The following DOP1B variants were observed in gnomAD, a reference collection of about 807,000 sequenced individuals.
The protein encoded by DOP1B is DOP1 leucine zipper like protein B.
A neutral mutation model predicts 233.5 loss-of-function variants in DOP1B; 174 were observed. The observed-to-expected ratio is 0.75, with a 90% CI of 0.66 to 0.85. The LOEUF is 0.85. Among genes scored for constraint, DOP1B ranks in the 40% least tolerant of loss-of-function variants. The probability of loss-of-function intolerance (pLI) is 0.00; values close to 1 mark genes in which losing one functional copy is unlikely to be tolerated. For synonymous variants in DOP1B, 1,190 were observed against 1,185.6 expected (o/e 1.00, Z -0.08); for missense variants, 2,652 against 2,846.6 (o/e 0.93, Z 1.56).
chr21:36,251,197 C>G lies in DOP1B; in HGVS notation c.5034C>G (p.Pro1678=). 6.2e-7 allele frequency: 1 copy of G among 1,613,990 alleles called. No individual in the cohort carries two copies. The highest frequency in any genetic ancestry group is 8.5e-7 in the Non-Finnish European group (1 of 1,179,990). The stretch of plus-strand genomic sequence containing the variant: ...AAAAAATTTTAGACTTCTTAAACCC[C>G]TTGACGGCCCATCTTGGGGTTCAGT... ...IRQKILDFLN[P]LTAHLGVQLT... is the part of the protein sequence containing the mutation. Residue 1678 remains proline, a synonymous_variant, in exon 22 of 37, where the codon CCC becomes CCG. Coordinates refer to ENST00000691173, the MANE Select transcript of DOP1B (RefSeq NM_001320714.2).
chr21:36,191,474 G>A (rs763470260), intron 2 of DOP1B, among the ~76,000 whole-genome samples: 15 of 152,228 alleles, frequency 9.9e-5, no homozygotes, highest in Middle Eastern at 3.4e-3. Context: ...AGGGGCTGGC[G>A]TGCAAGTGTC....
At chr21:36,254,523 A>T (rs191077037) in intron 23 of DOP1B, among the ~76,000 whole-genome samples, 23 of 152,240 alleles carry the variant, frequency 1.5e-4, no homozygotes, top group African/African-American at 5.1e-4. Flanking sequence ...ACTGGGGCTT[A>T]TCCAAATGAG....
At position 36,200,711 on chromosome 21, in the gene DOP1B, C is replaced by T. The variant is rs555036917; in HGVS notation, c.491+210C>T. Among the ~76,000 whole-genome samples, 46 of 152,072 alleles carry T rather than the reference C, an allele frequency of 3.0e-4. No homozygotes were observed. The South Asian group carries it at 6.0e-3, about 20-fold the overall frequency. ...AAAAAAATTTAGCCGGGCATGGTGG[C>T]GGGCGTCTGTAGTCCCAGCTACTCG... On this transcript the variant is annotated intron_variant, in intron 4 of 36. Coordinates refer to ENST00000691173, the MANE Select transcript of DOP1B (RefSeq NM_001320714.2).
chr21:36,233,548 C>T (rs1432299126), intron 15 of DOP1B, among the ~76,000 whole-genome samples: 1 of 152,180 alleles, frequency 6.6e-6, no homozygotes, highest in East Asian at 1.9e-4. Context: ...TGGAGCTAAG[C>T]TGGGGAAGGA....
rs1247640110 is a variant in DOP1B at position 36,191,267 on chromosome 21, AAC to A, written c.139-7801_139-7800del. Among the ~76,000 whole-genome samples, 38 of 149,568 alleles carry A rather than the reference AAC, an allele frequency of 2.5e-4. 1 individual carries two copies. Among genetic ancestry groups the A allele is most frequent in the East Asian group, 1.9e-4 (1 of 5,134 alleles). ...AAAAAACAAGTCAGAAAAAAAAAAA[AAC>A]AAAAAACAGAAAAAAACCCACATAC... On this transcript the variant is annotated intron_variant, in intron 2 of 36. Transcript: ENST00000691173.
In DOP1B at chr21:36,247,559, C is replaced by T; in HGVS notation, c.4740C>T (p.Leu1580=). 6.2e-7 allele frequency: 1 copy of T among 1,610,940 alleles called. No individual in the cohort carries two copies. The highest frequency in any genetic ancestry group is 8.5e-7 in the Non-Finnish European group (1 of 1,179,142). The stretch of plus-strand genomic sequence containing the variant: ...AAAACATTTCTCCAGATTATCCACT[C>T]ACCCTTCTAGAAGGTCTAACGACCA... ...KRENISPDYP[L]TLLEGLTTIS... The change falls in exon 20 of 37, where the codon CTC becomes CTT. Residue 1580 remains leucine (L), a synonymous_variant. Coordinates refer to ENST00000691173, the MANE Select transcript of DOP1B (RefSeq NM_001320714.2).
intron 32 of DOP1B, among the ~76,000 whole-genome samples, chr21:36,287,269 C>T (rs79584328): frequency 1.5e-3 from 235 of 152,264 alleles, no homozygotes; most frequent in Non-Finnish European, 2.9e-3. Context: ...ACTTGCTCCG[C>T]TTCCCACCCA....
At position 36,263,521 on chromosome 21, in the gene DOP1B, T is replaced by C. The variant is rs372445022; in HGVS notation, c.5316-25T>C. On this transcript the variant is annotated intron_variant, in intron 24 of 36. Transcript: ENST00000691173. The stretch of plus-strand genomic sequence containing the variant: ...ATTTTGACTTGTTCGTGGTTGAGTA[T>C]TTTTCCTATCTTTTAAAAAAACAGG... 1.0e-3 allele frequency: 1,665 copies of C among 1,596,084 alleles called. 3 individuals are homozygous for C. Among genetic ancestry groups the C allele is most frequent in the Non-Finnish European group, 1.1e-3 (1,320 of 1,165,654 alleles).
Position 36,245,701 on chromosome 21 carries a change from C to A in DOP1B, c.3721C>A (p.Leu1241Ile). Residue 1241 changes from leucine to isoleucine, a missense_variant, in exon 19 of 37, where the codon CTC becomes ATC. By Grantham distance (5) the Leu-to-Ile change is conservative. This residue lies in a region of DOP1B where 2,617 missense variants were observed against 2,794.3 expected (regional missense o/e 0.94). Transcript: ENST00000691173. The surrounding 1 kb of genome is among the most constrained non-coding windows in gnomAD (Gnocchi z 5.5). ...GCAGCCCTACGACTCTCGGCGGGTCCTCTATGCCTTCTCGGTGCTGGAGGC... is the reference window on the plus strand; with the variant it reads ...GCAGCCCTACGACTCTCGGCGGGTCATCTATGCCTTCTCGGTGCTGGAGGC... ...YLQPYDSRRV[L>I]YAFSVLEAVL... is the part of the protein sequence containing the mutation. The A allele has an allele frequency of 6.2e-7, 1 of 1,613,810 alleles. No homozygotes were observed. The highest frequency in any genetic ancestry group is 8.5e-7 in the Non-Finnish European group (1 of 1,180,010).
chr21:36,286,530 G>C (rs1353062273), intron 32 of DOP1B, among the ~76,000 whole-genome samples: 1 of 151,806 alleles, frequency 6.6e-6, no homozygotes, highest in African/African-American at 2.4e-5. Context: ...CAGCTACTCG[G>C]GAAGCTGAGG....
At chr21:36,291,920 G>A (rs1298111762) in intron 35 of DOP1B, among the ~76,000 whole-genome samples, 184 bp from the exon 36 acceptor site, 1 of 152,062 alleles carries the variant, frequency 6.6e-6, no homozygotes, top group Admixed American at 6.6e-5. Context: ...ATTTCTTTTT[G>A]GGGTAATGAA....
At chr21:36,176,103 T>TATGTGTGTGTGTGTGC (rs1029236168) in intron 2 of DOP1B, among the ~76,000 whole-genome samples, 44 of 142,024 alleles carry the variant, frequency 3.1e-4, no homozygotes, top group Non-Finnish European at 5.7e-4. Flanking sequence ...TGTGCGTGTG[T>TATGTGTGTGTGTGTGC]GTGTGTGTGT....
chr21:36,171,129 A>G (rs575128258), intron 2 of DOP1B, among the ~76,000 whole-genome samples: 1 of 152,356 alleles, frequency 6.6e-6, no homozygotes, highest in East Asian at 1.9e-4. Flanking sequence ...AGCCAGTGGC[A>G]GAGAGAGGGC....
Position 36,251,159 on chromosome 21 carries a change from T to A in DOP1B, c.4999-3T>A. 1 of 1,605,020 alleles carries A rather than the reference T, an allele frequency of 6.2e-7. No individual in the cohort carries two copies. Among genetic ancestry groups the A allele is most frequent in the Non-Finnish European group, 8.5e-7 (1 of 1,177,930 alleles). Reference sequence around the variant, plus strand: ...CAGTAACTTTTTTTTCCCTATTTTCTAGACCATAAGACAAAAAATTTTAGA... The same window carrying A: ...CAGTAACTTTTTTTTCCCTATTTTCAAGACCATAAGACAAAAAATTTTAGA... On this transcript the variant is annotated splice_polypyrimidine_tract_variant and splice_region_variant and intron_variant, in intron 21 of 36. Transcript: ENST00000691173.
chr21:36,211,067 C>G (rs2066491491), intron 5 of DOP1B, among the ~76,000 whole-genome samples: 1 of 152,234 alleles, frequency 6.6e-6, no homozygotes, highest in South Asian at 2.1e-4. Context: ...TCAAGCCCAG[C>G]TTTCCCGTGG....
chr21:36,272,950 C>T (rs1218819997), intron 27 of DOP1B, among the ~76,000 whole-genome samples: 1 of 142,706 alleles, frequency 7.0e-6, no homozygotes, highest in African/African-American at 2.6e-5. Flanking sequence ...CACCATTGCA[C>T]TCCAGCCTGG....
intron 2 of DOP1B, among the ~76,000 whole-genome samples, chr21:36,175,311 A>G (rs1233481096): frequency 6.6e-6 from 1 of 151,718 alleles, no homozygotes; most frequent in African/African-American, 2.4e-5. Flanking sequence ...TGGTTTCACC[A>G]TGTTGGCCAG....
At chr21:36,287,579 CT>C (rs869203517) in intron 32 of DOP1B, among the ~76,000 whole-genome samples, 785 of 73,084 alleles carry the variant, frequency 0.011, no homozygotes, top group African/African-American at 0.021. Flanking sequence ...TCCTAACATT[CT>C]TTTTTTTTTT....
At chr21:36,173,861 G>A (rs2065995690) in intron 2 of DOP1B, among the ~76,000 whole-genome samples, 1 of 123,456 alleles carries the variant, frequency 8.1e-6, no homozygotes, top group East Asian at 2.4e-4. Flanking sequence ...TATCATTAAA[G>A]CTCTTTAAAA....
Sources: allele counts gnomAD v4.1 joint callset (sites outside exome capture counted in the v4.1 genomes callset), GRCh38; gene constraint gnomAD v4.1.1; regional missense constraint gnomAD v4.1.1; non-coding constraint Gnocchi (gnomAD v3.1); transcripts MANE v1.5; gene names NCBI Gene and HGNC (gene_info 2026-07-23, HGNC 2026-07-21).